GRM7: variants seen among roughly 807,000 people sequenced by gnomAD.
GRM7 encodes glutamate metabotropic receptor 7, also known as metabotropic glutamate receptor 7.
Under a neutral mutation model 84.5 loss-of-function variants are expected in GRM7, and 35 were observed. The observed-to-expected ratio is 0.41, with a 90% CI of 0.32 to 0.55. The LOEUF (loss-of-function observed/expected upper bound fraction) is 0.55, where lower values mean the gene tolerates loss of function less well. GRM7 is among the 20% of genes least tolerant of loss of function. GRM7 has a pLI of 0.19. For missense variants in GRM7, 1,003 were observed against 1,194.6 expected (o/e 0.84, Z 2.36); for synonymous variants, 487 against 455.1 (o/e 1.07, Z -0.89).
intron 4 of GRM7, among the ~76,000 whole-genome samples, chr3:7,406,744 T>A (rs1395280899): frequency 6.6e-6 from 1 of 152,208 alleles, no homozygotes; most frequent in Non-Finnish European, 1.5e-5. Flanking sequence ...TAATAATTTT[T>A]AAAATCACCT....
intron 1 of GRM7, among the ~76,000 whole-genome samples, chr3:6,951,765 G>A (rs751905512): frequency 6.6e-6 from 1 of 152,128 alleles, no homozygotes; most frequent in South Asian, 2.1e-4. Flanking sequence ...TTCTATAAAT[G>A]TCAATTAGGT....
intron 4 of GRM7, among the ~76,000 whole-genome samples, chr3:7,365,188 T>C (rs1375284927): frequency 6.6e-6 from 1 of 151,856 alleles, no homozygotes; most frequent in East Asian, 1.9e-4. Context: ...CTTGCTCTTC[T>C]TTCTGATTGT....
chr3:7,645,888 C>G lies in GRM7; in HGVS notation c.2452-34161C>G, dbSNP rs80164764. Among the ~76,000 whole-genome samples, 38 of 152,302 alleles carry G rather than the reference C, an allele frequency of 2.5e-4. No individual in the cohort carries two copies. In the East Asian group the frequency reaches 7.4e-3, roughly 29 times the overall value. The stretch of plus-strand genomic sequence containing the variant: ...TACACTGAGACAGAACTTATCACAC[C>G]CAGTCCTTGCATAAATAAGCTATTT... On this transcript the variant is annotated intron_variant, in intron 8 of 9. Coordinates refer to ENST00000357716, the MANE Select transcript of GRM7 (RefSeq NM_000844.4).
intron 2 of GRM7, among the ~76,000 whole-genome samples, chr3:7,267,081 T>A: frequency 6.6e-6 from 1 of 152,236 alleles, no homozygotes; most frequent in Non-Finnish European, 1.5e-5. Context: ...CCATAACTAT[T>A]TCTGTGTATT....
At chr3:7,234,609 T>C (rs1192628922) in intron 2 of GRM7, among the ~76,000 whole-genome samples, 1 of 152,210 alleles carries the variant, frequency 6.6e-6, no homozygotes, top group East Asian at 1.9e-4. Flanking sequence ...CTAGAGATCA[T>C]ACTGCATGAT....
chr3:7,220,868 T>A (rs548926124), intron 2 of GRM7, among the ~76,000 whole-genome samples: 1 of 152,116 alleles, frequency 6.6e-6, no homozygotes, highest in Non-Finnish European at 1.5e-5. Flanking sequence ...CATCTCAGCC[T>A]CATTGCATGA....
chr3:7,405,267 C>T (rs114159876), intron 4 of GRM7, among the ~76,000 whole-genome samples: 1,690 of 152,132 alleles, frequency 0.011, 28 homozygotes, highest in African/African-American at 0.037. Context: ...AGAATATTAG[C>T]TTTTTAAAGC....
intron 2 of GRM7, among the ~76,000 whole-genome samples, chr3:7,297,801 C>T (rs768265108): frequency 3.8e-4 from 58 of 152,140 alleles, no homozygotes; most frequent in Non-Finnish European, 4.1e-4. Flanking sequence ...TAGGACTTTT[C>T]TACAAATATT....
At chr3:7,013,408 C>T (rs1371956809) in intron 1 of GRM7, among the ~76,000 whole-genome samples, 1 of 152,086 alleles carries the variant, frequency 6.6e-6, no homozygotes, top group Non-Finnish European at 1.5e-5. Flanking sequence ...TTGAAGCAAA[C>T]TCCAGATATC....
chr3:7,582,517 G>A (rs1695307250), intron 8 of GRM7, among the ~76,000 whole-genome samples: 1 of 152,078 alleles, frequency 6.6e-6, no homozygotes, highest in Non-Finnish European at 1.5e-5. Flanking sequence ...TAGATAGGAG[G>A]ACCGTGAGAA....
chr3:7,073,401 C>T (rs1238688743), intron 1 of GRM7, among the ~76,000 whole-genome samples: 6 of 152,062 alleles, frequency 3.9e-5, no homozygotes, highest in Admixed American at 1.3e-4. Flanking sequence ...AAGACACTCA[C>T]AGTGTCTGAT....
chr3:6,891,435 C>G (rs1395875547), intron 1 of GRM7, among the ~76,000 whole-genome samples: 3 of 152,144 alleles, frequency 2.0e-5, no homozygotes, highest in Admixed American at 1.3e-4. Flanking sequence ...CTGGTGGTAA[C>G]AAAATCTCTC....
At chr3:7,118,615 A>G (rs1298843116) in intron 1 of GRM7, among the ~76,000 whole-genome samples, 1 of 151,496 alleles carries the variant, frequency 6.6e-6, no homozygotes, top group African/African-American at 2.4e-5. Flanking sequence ...TTCTGCTAAA[A>G]AAAAAGAAGA....
At chr3:7,473,492 GAGAGA>G (rs1698792323) in intron 7 of GRM7, among the ~76,000 whole-genome samples, 2 of 52,388 alleles carry the variant, frequency 3.8e-5, no homozygotes, top group Middle Eastern at 9.1e-3. Flanking sequence ...ACGAGAGGGA[GAGAGA>G]GAGAGAGAGA....
chr3:6,921,901 G>A (rs540795481), intron 1 of GRM7, among the ~76,000 whole-genome samples: 1 of 152,270 alleles, frequency 6.6e-6, no homozygotes, highest in African/African-American at 2.4e-5. Context: ...ATCACAGACC[G>A]AGATGCTGGG....
chr3:7,095,385 C>G (rs1698821667), intron 1 of GRM7, among the ~76,000 whole-genome samples: 1 of 152,080 alleles, frequency 6.6e-6, no homozygotes. Context: ...ACTCAGTGAG[C>G]AATTCATCAC....
chr3:7,220,563 C>T (rs1696767327), intron 2 of GRM7, among the ~76,000 whole-genome samples: 1 of 152,080 alleles, frequency 6.6e-6, no homozygotes, highest in African/African-American at 2.4e-5. Flanking sequence ...CTAACTGTAA[C>T]ATTTTCACCT....
At chr3:7,429,172 A>G (rs941745719) in intron 5 of GRM7, among the ~76,000 whole-genome samples, 2 of 152,132 alleles carry the variant, frequency 1.3e-5, no homozygotes, top group Non-Finnish European at 2.9e-5. Context: ...TGTTGACGAT[A>G]ATAATAATGA....
intron 8 of GRM7, among the ~76,000 whole-genome samples, chr3:7,610,982 T>C (rs889705160): frequency 1.3e-5 from 2 of 152,196 alleles, no homozygotes; most frequent in Admixed American, 1.3e-4. Context: ...GCTGAGCCAG[T>C]AGTATTCTGT....
Sources: gnomAD v4.1 joint callset for allele counts (sites outside exome capture counted in the v4.1 genomes callset) on GRCh38, gnomAD v4.1.1 for gene constraint, MANE v1.5 for transcripts, NCBI Gene and HGNC (gene_info 2026-07-23, HGNC 2026-07-21) for gene names.